The following RABGEF1 variants were observed in gnomAD, a reference collection of about 807,000 sequenced individuals.
The protein encoded by RABGEF1 is rab5 GDP/GTP exchange factor.
A neutral mutation model predicts 57.3 loss-of-function variants in RABGEF1; 26 were observed. That is an observed-to-expected ratio of 0.45 (90% CI 0.33 to 0.63). The LOEUF is 0.63. Among genes scored for constraint, RABGEF1 ranks in the 20% least tolerant of loss-of-function variants. The pLI is 0.02. For missense variants in RABGEF1, 464 were observed against 607.6 expected (o/e 0.76, Z 2.48); for synonymous variants, 185 against 210.7 (o/e 0.88, Z 1.06).
chr7:66,671,028 T>C, the RABGEF1 span, among the ~76,000 whole-genome samples: 1 of 151,012 alleles, frequency 6.6e-6, no homozygotes, highest in Non-Finnish European at 1.5e-5. Context: ...TTTATATATA[T>C]ATATAGAGAG....
chr7:66,744,443 C>T (rs555543949), intron 1 of RABGEF1, among the ~76,000 whole-genome samples: 21 of 150,886 alleles, frequency 1.4e-4, no homozygotes, highest in Non-Finnish European at 2.4e-4. Context: ...CTGAGGCAGG[C>T]GGATCACGAG....
upstream of RABGEF1, among the ~76,000 whole-genome samples, chr7:66,735,905 T>C (rs1375953017): frequency 2.0e-5 from 3 of 152,146 alleles, no homozygotes; most frequent in African/African-American, 7.2e-5. Context: ...CTGTAGTATC[T>C]CCCTCACACA....
At chr7:66,771,283 C>T (rs1016824199) in intron 1 of RABGEF1, among the ~76,000 whole-genome samples, 4 of 152,014 alleles carry the variant, frequency 2.6e-5, no homozygotes, top group Non-Finnish European at 5.9e-5. Context: ...GGACTACAGG[C>T]GCCCGCCACC....
At chr7:66,801,324 A>C (rs1226143800) in intron 7 of RABGEF1, among the ~76,000 whole-genome samples, 2 of 152,210 alleles carry the variant, frequency 1.3e-5, no homozygotes, top group Non-Finnish European at 2.9e-5. Context: ...GCGGATAATG[A>C]GTGGTAATTA....
intron 1 of RABGEF1, among the ~76,000 whole-genome samples, chr7:66,684,173 C>T (rs1484565619): frequency 1.3e-5 from 2 of 152,146 alleles, no homozygotes; most frequent in African/African-American, 2.4e-5. Flanking sequence ...TGGCTAGCTG[C>T]GGTGGCTTAT....
intron 1 of RABGEF1, among the ~76,000 whole-genome samples, chr7:66,689,619 A>G (rs1005199346): frequency 6.6e-6 from 1 of 152,174 alleles, no homozygotes; most frequent in East Asian, 1.9e-4. Flanking sequence ...CCTGGCCAAC[A>G]TGGTGAAATC....
intron 8 of RABGEF1, among the ~76,000 whole-genome samples, chr7:66,806,490 G>A (rs1054077921): frequency 3.9e-5 from 6 of 152,078 alleles, no homozygotes; most frequent in African/African-American, 1.2e-4. Flanking sequence ...TGATTTATAG[G>A]TGGAGGGACT....
the RABGEF1 span, among the ~76,000 whole-genome samples, chr7:66,658,530 C>T: frequency 1.6e-5 from 2 of 127,106 alleles, no homozygotes; most frequent in African/African-American, 2.9e-5. Flanking sequence ...GAGACTTCGT[C>T]TCCAAAAAAA....
chr7:66,784,476 GAC>G (rs1810684470), intron 4 of RABGEF1, among the ~76,000 whole-genome samples: 1 of 152,174 alleles, frequency 6.6e-6, no homozygotes, highest in Non-Finnish European at 1.5e-5. Context: ...TAATTAATAA[GAC>G]TGCCTGTAAA....
At chr7:66,716,813 C>T (rs1464120590) in intron 2 of RABGEF1, among the ~76,000 whole-genome samples, 2 of 152,164 alleles carry the variant, frequency 1.3e-5, no homozygotes, top group Non-Finnish European at 2.9e-5. Context: ...AGGTCTTGCT[C>T]TGTTGCCCGG....
At chr7:66,800,042 T>A (rs1562878599) in intron 7 of RABGEF1, among the ~76,000 whole-genome samples, 1 of 152,128 alleles carries the variant, frequency 6.6e-6, no homozygotes, top group Non-Finnish European at 1.5e-5. Flanking sequence ...AAAAAAAATC[T>A]TAATGGAGAG....
chr7:66,707,800 C>CA, intron 1 of RABGEF1, among the ~76,000 whole-genome samples: 1 of 152,296 alleles, frequency 6.6e-6, no homozygotes, highest in Middle Eastern at 3.4e-3. Flanking sequence ...TTTTTCGGTG[C>CA]ATATAGGCTT....
intron 1 of RABGEF1, among the ~76,000 whole-genome samples, chr7:66,705,211 G>A (rs1028734920): frequency 6.6e-6 from 1 of 152,056 alleles, no homozygotes; most frequent in African/African-American, 2.4e-5. Flanking sequence ...AACAAGCTTG[G>A]CCAACATGGT....
chr7:66,744,641 C>G (rs1418966335), intron 1 of RABGEF1, among the ~76,000 whole-genome samples: 1 of 143,884 alleles, frequency 7.0e-6, no homozygotes, highest in East Asian at 2.1e-4. Flanking sequence ...GCACTCCAGC[C>G]TGGGCGACAG....
intron 1 of RABGEF1, among the ~76,000 whole-genome samples, chr7:66,754,826 G>A (rs927884495): frequency 2.1e-4 from 32 of 152,164 alleles, no homozygotes; most frequent in African/African-American, 7.7e-4. Flanking sequence ...GCCACAGCAA[G>A]TGATTATGGA....
chr7:66,798,326 A>G (rs191125453), intron 6 of RABGEF1, among the ~76,000 whole-genome samples: 12 of 152,272 alleles, frequency 7.9e-5, no homozygotes, highest in Non-Finnish European at 1.6e-4. Context: ...GTGTGGGAAC[A>G]GGGCCAAGGC....
intron 1 of RABGEF1, among the ~76,000 whole-genome samples, chr7:66,694,883 G>T (rs1372618858): frequency 6.6e-6 from 1 of 152,184 alleles, no homozygotes; most frequent in Non-Finnish European, 1.5e-5. Context: ...TTAGGGGTGT[G>T]TGGGCCTGTG....
intron 4 of RABGEF1, among the ~76,000 whole-genome samples, chr7:66,792,089 C>G (rs1032673076): frequency 6.9e-6 from 1 of 144,132 alleles, no homozygotes; most frequent in Non-Finnish European, 1.5e-5. Flanking sequence ...TGCAGCCTGG[C>G]GACAGAGCGA....
At chr7:66,791,980 C>T (rs1274085894) in intron 4 of RABGEF1, among the ~76,000 whole-genome samples, 1 of 151,974 alleles carries the variant, frequency 6.6e-6, no homozygotes, top group Non-Finnish European at 1.5e-5. Flanking sequence ...GGCGTGGTGG[C>T]ACATGCCTGT....
Sources: allele counts gnomAD v4.1 joint callset (sites outside exome capture counted in the v4.1 genomes callset), GRCh38; gene constraint gnomAD v4.1.1; transcripts MANE v1.5; gene names NCBI Gene and HGNC (gene_info 2026-07-23, HGNC 2026-07-21).